AKR1E2: variants seen among roughly 807,000 people sequenced by gnomAD.
AKR1E2 encodes the protein aldo-keto reductase family 1 member E2.
AKR1E2 carries 43 observed loss-of-function variants against 41.9 expected under a neutral mutation model. The ratio of observed to expected loss-of-function variants is 1.03; its 90% CI spans 0.80 to 1.32. The LOEUF is 1.32. Ranked by LOEUF, AKR1E2 falls within the 40% of genes most tolerant of loss-of-function variation. The pLI is 0.00. For missense variants in AKR1E2, 423 were observed against 396.5 expected (o/e 1.07, Z -0.57); for synonymous variants, 121 against 138.9 (o/e 0.87, Z 0.91).
chr10:4,858,916 C>A, the AKR1E2 span, among the ~76,000 whole-genome samples: 5 of 151,448 alleles, frequency 3.3e-5, no homozygotes, highest in Non-Finnish European at 7.4e-5. Context: ...CTTCGCCTCC[C>A]TGGTTCAAGT....
At chr10:4,849,614 C>T (rs1834484130), downstream of AKR1E2, among the ~76,000 whole-genome samples, 1 of 152,124 alleles carries the variant, frequency 6.6e-6, no homozygotes, top group Non-Finnish European at 1.5e-5. Flanking sequence ...CTGGGGAGGG[C>T]AGGGGTGGAT....
chr10:4,837,186 A>G (rs1833497099), intron 4 of AKR1E2, among the ~76,000 whole-genome samples: 1 of 152,142 alleles, frequency 6.6e-6, no homozygotes, highest in Admixed American at 6.5e-5. Flanking sequence ...ATAACCCCTA[A>G]ACATCCCCGT....
downstream of AKR1E2, among the ~76,000 whole-genome samples, chr10:4,849,937 A>G (rs1016257911): frequency 6.6e-6 from 1 of 152,224 alleles, no homozygotes; most frequent in Non-Finnish European, 1.5e-5. Context: ...TTGTACAATC[A>G]CAGTGAGGAA....
At chr10:4,858,682 G>A in the AKR1E2 span, among the ~76,000 whole-genome samples, 1 of 152,248 alleles carries the variant, frequency 6.6e-6, no homozygotes, top group African/African-American at 2.4e-5. Context: ...GTGTTTCAAG[G>A]TGGAAAGAAG....
At chr10:4,843,996 G>A (rs756618630) in intron 8 of AKR1E2, among the ~76,000 whole-genome samples, 12 of 152,202 alleles carry the variant, frequency 7.9e-5, no homozygotes, top group Non-Finnish European at 1.8e-4. Context: ...TCTTGTAGTG[G>A]TTAGAATTGA....
chr10:4,863,354 A>G, the AKR1E2 span, among the ~76,000 whole-genome samples: 3 of 152,236 alleles, frequency 2.0e-5, no homozygotes, highest in Non-Finnish European at 2.9e-5. Flanking sequence ...CTGCTCCTGA[A>G]TGACTACTGG....
downstream of AKR1E2, among the ~76,000 whole-genome samples, chr10:4,851,278 C>T (rs986596440): frequency 2.6e-5 from 4 of 152,252 alleles, no homozygotes; most frequent in Non-Finnish European, 5.9e-5. Context: ...GGCAAATCAA[C>T]TATCCAGACC....
the AKR1E2 span, among the ~76,000 whole-genome samples, chr10:4,872,934 T>G: frequency 6.6e-6 from 1 of 152,062 alleles, no homozygotes; most frequent in African/African-American, 2.4e-5. Context: ...TGTAAAGGAG[T>G]GAGCAATCCT....
chr10:4,827,075 GAAAAAAAA>G (rs5782783), intron 1 of AKR1E2, among the ~76,000 whole-genome samples: 3,183 of 123,126 alleles, frequency 0.026, 129 homozygotes, highest in African/African-American at 0.092. Flanking sequence ...GACCTTGCTG[GAAAAAAAA>G]AAAAAAAAAA....
At chr10:4,867,756 C>A in the AKR1E2 span, among the ~76,000 whole-genome samples, 2 of 152,190 alleles carry the variant, frequency 1.3e-5, no homozygotes, top group Admixed American at 1.3e-4. Flanking sequence ...ATAAGAACAG[C>A]GTTGGCCTTC....
At chr10:4,825,931 G>A (rs529366986), upstream of AKR1E2, among the ~76,000 whole-genome samples, 2 of 152,224 alleles carry the variant, frequency 1.3e-5, no homozygotes, top group Non-Finnish European at 2.9e-5. Context: ...CCTAAGGTGG[G>A]GGCGTGAGCG....
chr10:4,827,086 A>AAG (rs1417311694), intron 1 of AKR1E2, among the ~76,000 whole-genome samples: 1 of 147,910 alleles, frequency 6.8e-6, no homozygotes, highest in Non-Finnish European at 1.5e-5. Context: ...AAAAAAAAAA[A>AAG]AAAAAAAGAA....
chr10:4,839,417 C>A (rs1833692951), intron 5 of AKR1E2, among the ~76,000 whole-genome samples: 1 of 151,940 alleles, frequency 6.6e-6, no homozygotes, highest in East Asian at 1.9e-4. Flanking sequence ...AAAATAAAGG[C>A]CGGGGGAGAT....
At chr10:4,835,892 C>T in intron 4 of AKR1E2, 83 bp downstream of exon 4, 4 of 1,539,934 alleles carry the variant, frequency 2.6e-6, no homozygotes, top group Non-Finnish European at 3.5e-6. Context: ...TGCTTGTGTT[C>T]AAAGACATCA....
At chr10:4,866,904 G>T in the AKR1E2 span, among the ~76,000 whole-genome samples, 1 of 152,132 alleles carries the variant, frequency 6.6e-6, no homozygotes, top group Non-Finnish European at 1.5e-5. Flanking sequence ...GGGGCCGGCT[G>T]ATCCATCAAG....
chr10:4,853,380 A>T, the AKR1E2 span, among the ~76,000 whole-genome samples: 1 of 151,974 alleles, frequency 6.6e-6, no homozygotes, highest in African/African-American at 2.4e-5. Flanking sequence ...TTGATACATT[A>T]GACTGGACAC....
At position 4,833,433 on chromosome 10, in the gene AKR1E2, C is replaced by A; in HGVS notation, c.291C>A (p.Asp97Glu). 1 of 1,614,074 alleles carries A rather than the reference C, an allele frequency of 6.2e-7. No individual in the cohort carries two copies. The highest frequency in any genetic ancestry group is 8.5e-7 in the Non-Finnish European group (1 of 1,179,952). Residue 97 changes from aspartate (D) to glutamate (E), a missense_variant, in exon 3 of 10, where the codon GAC (aspartate) becomes GAA (glutamate). Asp to Glu is a conservative substitution (Grantham distance 45). Coordinates refer to ENST00000298375, the MANE Select transcript of AKR1E2 (RefSeq NM_001040177.3). ...SLKALKLNYL[D>E]LYLIHWPMGF... ...AGGCCTTGAAGCTGAACTATTTGGA[C>A]CTCTACCTCATACACTGGCCCATGG...
rs890090598 is a variant in AKR1E2 at position 4,826,255 on chromosome 10, A to G, written c.-70A>G. ...CGCAACGGCGGGTCGCCAGCGCCGC[A>G]GTAGCTCGCGCGGTGCCTGTCGGTA... On this transcript the variant is annotated 5_prime_UTR_variant, in exon 1 of 10. Coordinates refer to ENST00000298375, the MANE Select transcript of AKR1E2 (RefSeq NM_001040177.3). 1.3e-5 allele frequency: 15 copies of G among 1,194,410 alleles called. No homozygotes were observed. The highest frequency in any genetic ancestry group is 1.6e-5 in the Non-Finnish European group (15 of 953,392). The allele number at this position is 1,194,410 out of a possible 1,614,324, so 74.0% of individuals were successfully genotyped here. A position where few individuals can be genotyped will look rare whatever the true frequency, so the allele number is the denominator to read the frequency against.
At chr10:4,870,657 C>CT in the AKR1E2 span, among the ~76,000 whole-genome samples, 18 of 148,650 alleles carry the variant, frequency 1.2e-4, no homozygotes, top group Non-Finnish European at 1.6e-4. Context: ...TATTTGAATT[C>CT]TTTTTTTTTT....
Sources: gnomAD v4.1 joint callset for allele counts (sites outside exome capture counted in the v4.1 genomes callset) on GRCh38, gnomAD v4.1.1 for gene constraint, MANE v1.5 for transcripts, NCBI Gene and HGNC (gene_info 2026-07-23, HGNC 2026-07-21) for gene names.